The following TANC2 variants were observed in gnomAD, a reference collection of about 807,000 sequenced individuals.
TANC2 encodes tetratricopeptide repeat, ankyrin repeat and coiled-coil containing 2, also known as protein TANC2.
Under a neutral mutation model 210.5 loss-of-function variants are expected in TANC2, and 26 were observed. That is an observed-to-expected ratio of 0.12 (90% CI 0.09 to 0.17). TANC2 has a LOEUF of 0.17. TANC2 is among the 10% of genes least tolerant of loss of function. The pLI is 1.00. For missense variants in TANC2, 2,129 were observed against 2,608.9 expected (o/e 0.82, Z 4.01); for synonymous variants, 931 against 967.1 (o/e 0.96, Z 0.69).
At chr17:63,123,458 C>T (rs957662986) in intron 4 of TANC2, among the ~76,000 whole-genome samples, 1 of 150,884 alleles carries the variant, frequency 6.6e-6, no homozygotes, top group African/African-American at 2.4e-5. Flanking sequence ...GCTGGGGAGG[C>T]TGAGGCAGGA....
At chr17:63,390,855 A>G (rs2047947667) in intron 17 of TANC2, 1 of 151,880 alleles carries the variant, frequency 6.6e-6, no homozygotes, top group African/African-American at 2.4e-5. Context: ...CCTTTTCTTC[A>G]TCTTTCATTG....
chr17:63,349,480 G>A (rs951564310), intron 12 of TANC2, among the ~76,000 whole-genome samples: 1 of 152,156 alleles, frequency 6.6e-6, no homozygotes, highest in African/African-American at 2.4e-5. Flanking sequence ...TAATTGAAGG[G>A]CGGGGACAGT....
intron 6 of TANC2, 75 bp from the exon 7 acceptor site, chr17:63,200,688 TCATCAAAG>T: frequency 7.8e-7 from 1 of 1,279,788 alleles, no homozygotes; most frequent in Non-Finnish European, 1.1e-6. Context: ...GTTTTTTTTT[TCATCAAAG>T]CATTTATTTT....
intron 7 of TANC2, among the ~76,000 whole-genome samples, chr17:63,227,696 A>C (rs1471955144): frequency 6.6e-6 from 1 of 151,962 alleles, no homozygotes; most frequent in Non-Finnish European, 1.5e-5. Flanking sequence ...CTATGTCTTG[A>C]ATGGTATTGC....
At chr17:63,101,534 A>C (rs1307982548) in intron 4 of TANC2, among the ~76,000 whole-genome samples, 1 of 152,188 alleles carries the variant, frequency 6.6e-6, no homozygotes, top group Non-Finnish European at 1.5e-5. Flanking sequence ...ATTATTCTTC[A>C]GTGCTTTTTA....
intron 12 of TANC2, among the ~76,000 whole-genome samples, chr17:63,343,939 C>A (rs1454233977): frequency 6.6e-6 from 1 of 152,096 alleles, no homozygotes; most frequent in Admixed American, 6.6e-5. Context: ...ATCATATTAA[C>A]AAAATAAAGG....
intron 22 of TANC2, 139 bp from the exon 23 acceptor site, chr17:63,411,859 G>T: frequency 7.0e-7 from 1 of 1,426,502 alleles, no homozygotes; most frequent in Non-Finnish European, 9.5e-7. Context: ...CAAGGATATA[G>T]CTAAGGCCTG....
intron 5 of TANC2, among the ~76,000 whole-genome samples, chr17:63,170,786 A>G (rs189452907): frequency 6.3e-4 from 96 of 152,336 alleles, no homozygotes; most frequent in African/African-American, 2.1e-3. Flanking sequence ...TCCCTTTTCA[A>G]GGAGGCTTCT....
intron 3 of TANC2, among the ~76,000 whole-genome samples, chr17:63,092,163 T>C (rs143934399): frequency 6.3e-4 from 96 of 152,326 alleles, no homozygotes; most frequent in African/African-American, 2.2e-3. Flanking sequence ...TGGGTACTTT[T>C]CAGTTTGTGG....
chr17:62,966,287 G>C lies in TANC2; in HGVS notation c.-486G>C, dbSNP rs1361898152. Among the ~76,000 whole-genome samples, 176 of 146,282 alleles carry C rather than the reference G, an allele frequency of 1.2e-3. 2 individuals are homozygous for C. Among genetic ancestry groups the C allele is most frequent in the Non-Finnish European group, 4.7e-4 (31 of 65,772 alleles). ...CGCGGGTTGCTGGGCGCGCTGCTCCGGCGGGGCCCGCTGGCACAGCCGCCT... is the reference window on the plus strand; with the variant it reads ...CGCGGGTTGCTGGGCGCGCTGCTCCCGCGGGGCCCGCTGGCACAGCCGCCT... On this transcript the variant is annotated 5_prime_UTR_variant, in exon 1 of 28. Coordinates refer to ENST00000689528, the Ensembl canonical transcript of TANC2. The surrounding 1 kb of genome is among the most constrained non-coding windows in gnomAD (Gnocchi z 5.1).
At chr17:63,411,302 G>A (rs1258180663) in intron 21 of TANC2, among the ~76,000 whole-genome samples, 4 of 152,204 alleles carry the variant, frequency 2.6e-5, no homozygotes, top group African/African-American at 4.8e-5. Flanking sequence ...TGAATACTCA[G>A]TAAAACGACT....
intron 5 of TANC2, chr17:63,153,586 C>T (rs2039732257): frequency 2.0e-5 from 3 of 152,100 alleles, no homozygotes; most frequent in Non-Finnish European, 2.9e-5. Flanking sequence ...AACAAAATCT[C>T]AGATCATACT....
chr17:63,223,374 A>G (rs2042246311), intron 7 of TANC2, among the ~76,000 whole-genome samples: 1 of 152,192 alleles, frequency 6.6e-6, no homozygotes, highest in Non-Finnish European at 1.5e-5. Flanking sequence ...TGGTTGCTCC[A>G]TAGAGAGAGC....
At chr17:63,133,043 G>A (rs1360830958) in intron 4 of TANC2, among the ~76,000 whole-genome samples, 3 of 152,090 alleles carry the variant, frequency 2.0e-5, no homozygotes, top group African/African-American at 4.8e-5. Context: ...GCGCAATCTC[G>A]GCTCACTGCA....
intron 11 of TANC2, among the ~76,000 whole-genome samples, chr17:63,326,220 T>G (rs145872343): frequency 1.5e-3 from 222 of 152,266 alleles, no homozygotes; most frequent in Non-Finnish European, 2.7e-3. Flanking sequence ...AGTTCAGAAT[T>G]AGACCCAAGG....
At chr17:63,019,753 T>TTA (rs1454003951) in intron 2 of TANC2, among the ~76,000 whole-genome samples, 1 of 152,188 alleles carries the variant, frequency 6.6e-6, no homozygotes, top group Non-Finnish European at 1.5e-5. Flanking sequence ...TTTCATGTAC[T>TTA]TATTTGCTAT....
rs570207702 is a variant in TANC2 at position 63,302,266 on chromosome 17, G to A, written c.1160-12122G>A. 1.1e-3 allele frequency among the ~76,000 whole-genome samples: 175 copies of A among 152,220 alleles called. 2 individuals carry two copies. The highest frequency in any genetic ancestry group is 6.8e-3 in the Middle Eastern group (2 of 294). On this transcript the variant is annotated intron_variant, in intron 9 of 27. Coordinates refer to ENST00000689528, the Ensembl canonical transcript of TANC2. The stretch of plus-strand genomic sequence containing the variant: ...AATGTCTATTCTGTTGATTTGGGGT[G>A]GAGAGTTCTGTAGATGTCTATCACG...
chr17:63,343,434 T>C (rs1330846695), intron 12 of TANC2, among the ~76,000 whole-genome samples: 1 of 152,214 alleles, frequency 6.6e-6, no homozygotes, highest in Non-Finnish European at 1.5e-5. Context: ...AATTCATGAA[T>C]CAAAAATAGA....
At chr17:63,134,361 A>G (rs2039019045) in intron 4 of TANC2, among the ~76,000 whole-genome samples, 1 of 152,182 alleles carries the variant, frequency 6.6e-6, no homozygotes, top group Non-Finnish European at 1.5e-5. Context: ...GCAAGGCACT[A>G]TGCTAATTTT....
Sources: gnomAD v4.1 joint callset for allele counts (sites outside exome capture counted in the v4.1 genomes callset) on GRCh38, gnomAD v4.1.1 for gene constraint, Gnocchi (gnomAD v3.1) non-coding constraint, MANE v1.5 for transcripts, NCBI Gene and HGNC (gene_info 2026-07-23, HGNC 2026-07-21) for gene names.